The following KHDRBS3 variants were observed in gnomAD, a reference collection of about 807,000 sequenced individuals.
KHDRBS3 encodes KH RNA binding domain containing, signal transduction associated 3, also known as KH domain-containing, RNA-binding, signal transduction-associated protein 3.
In KHDRBS3, 23 loss-of-function variants were observed where a neutral mutation model predicts 45.6. That is an observed-to-expected ratio of 0.50 (90% CI 0.36 to 0.72). KHDRBS3 has a LOEUF of 0.72. Among genes scored for constraint, KHDRBS3 ranks in the 30% least tolerant of loss-of-function variants. The pLI is 0.00. For missense variants in KHDRBS3, 352 were observed against 424.8 expected (o/e 0.83, Z 1.51); for synonymous variants, 162 against 156.5 (o/e 1.04, Z -0.26).
At chr8:135,545,316 G>A (rs1420616863) in intron 3 of KHDRBS3, among the ~76,000 whole-genome samples, 1 of 152,094 alleles carries the variant, frequency 6.6e-6, no homozygotes, top group Non-Finnish European at 1.5e-5. Flanking sequence ...TCCCTTCAAG[G>A]AACTACCTCG....
At chr8:135,481,362 A>C (rs1044616301) in intron 1 of KHDRBS3, among the ~76,000 whole-genome samples, 8 of 150,846 alleles carry the variant, frequency 5.3e-5, no homozygotes, top group Non-Finnish European at 5.9e-5. Flanking sequence ...GTTATCACCT[A>C]CAGGAAACTG....
At chr8:135,643,383 C>T (rs1227569018) in intron 7 of KHDRBS3, among the ~76,000 whole-genome samples, 1 of 152,144 alleles carries the variant, frequency 6.6e-6, no homozygotes, top group Non-Finnish European at 1.5e-5. Context: ...AGGGTCTCCT[C>T]CAGGCCAAAA....
At chr8:135,501,254 T>A (rs762296352) in intron 1 of KHDRBS3, among the ~76,000 whole-genome samples, 26 of 152,320 alleles carry the variant, frequency 1.7e-4, no homozygotes, top group Non-Finnish European at 2.1e-4. Flanking sequence ...TTCTGTTATG[T>A]TTTCTTAGAA....
In KHDRBS3 at chr8:135,645,063, G is replaced by C; in HGVS notation, c.895G>C (p.Ala299Pro). The C allele has an allele frequency of 6.2e-7, 1 of 1,613,206 alleles. No homozygotes were observed. Among genetic ancestry groups the C allele is most frequent in the Non-Finnish European group, 8.5e-7 (1 of 1,179,882 alleles). The change falls in exon 8 of 9, where the codon GCT (alanine) becomes CCT (proline). Residue 299 changes from alanine to proline, a missense_variant. Ala to Pro is a conservative substitution (Grantham distance 27). This residue lies in a region of KHDRBS3 where 212 missense variants were observed against 209.6 expected (regional missense o/e 1.01). Coordinates refer to ENST00000355849, the MANE Select transcript of KHDRBS3 (RefSeq NM_006558.3). ...TTTTGTTTTGATCACTTGCAGTGGT[G>C]CTGATTACTATGATTACGGACATGG... is the stretch of plus-strand genomic sequence containing the variant. ...NSYSTPAQSG[A>P]DYYDYGHGLS... is the part of the protein sequence containing the mutation.
chr8:135,588,028 C>T (rs917815980), intron 6 of KHDRBS3, among the ~76,000 whole-genome samples: 1 of 152,128 alleles, frequency 6.6e-6, no homozygotes, highest in Non-Finnish European at 1.5e-5. Flanking sequence ...CTGCAGACAT[C>T]GACTGTGTGT....
At chr8:135,530,280 A>T (rs1399832456) in intron 2 of KHDRBS3, among the ~76,000 whole-genome samples, 1 of 152,170 alleles carries the variant, frequency 6.6e-6, no homozygotes, top group East Asian at 1.9e-4. Flanking sequence ...CTCCATAAGG[A>T]TCACCAAATT....
chr8:135,603,095 A>G (rs922398385), intron 6 of KHDRBS3, among the ~76,000 whole-genome samples: 2 of 152,202 alleles, frequency 1.3e-5, no homozygotes, highest in African/African-American at 2.4e-5. Flanking sequence ...ATTTTCTTCC[A>G]CTTTTCTCTT....
downstream of KHDRBS3, among the ~76,000 whole-genome samples, chr8:135,648,999 A>T (rs1831375555): frequency 2.0e-5 from 3 of 152,170 alleles, no homozygotes; most frequent in African/African-American, 7.2e-5. Flanking sequence ...TTACACAGAT[A>T]TGCTGGAAAT....
chr8:135,536,266 ATTG>A (rs1825753914), intron 2 of KHDRBS3, among the ~76,000 whole-genome samples: 1 of 68,094 alleles, frequency 1.5e-5, no homozygotes, highest in African/African-American at 4.6e-5. Context: ...TTTTTTTATT[ATTG>A]TTTAAAAGGT....
intron 1 of KHDRBS3, among the ~76,000 whole-genome samples, chr8:135,465,364 T>G (rs1821643530): frequency 6.6e-6 from 1 of 152,256 alleles, no homozygotes; most frequent in South Asian, 2.1e-4. Context: ...AAGACAGATG[T>G]GTGAGTATCG....
chr8:135,525,683 TAG>T (rs991990930), intron 2 of KHDRBS3, among the ~76,000 whole-genome samples: 112 of 152,334 alleles, frequency 7.4e-4, no homozygotes, highest in African/African-American at 2.5e-3. Context: ...AAACATTTCA[TAG>T]ACAGACTCAT....
intron 6 of KHDRBS3, among the ~76,000 whole-genome samples, chr8:135,605,155 A>G (rs866889767): frequency 7.2e-5 from 11 of 152,168 alleles, no homozygotes; most frequent in African/African-American, 2.4e-4. Flanking sequence ...AGCTTCTTGG[A>G]TGTGTAGATT....
intron 7 of KHDRBS3, among the ~76,000 whole-genome samples, chr8:135,642,795 C>A: frequency 7.0e-6 from 1 of 143,818 alleles, no homozygotes; most frequent in East Asian, 2.0e-4. Flanking sequence ...AGGCATTTGT[C>A]TTTTTTTTTT....
intron 7 of KHDRBS3, among the ~76,000 whole-genome samples, chr8:135,617,721 A>G (rs917580919): frequency 2.0e-5 from 3 of 152,198 alleles, no homozygotes; most frequent in East Asian, 1.9e-4. Flanking sequence ...CTACCTCTCT[A>G]TGTAACTGTT....
At chr8:135,463,744 G>A (rs552747997) in intron 1 of KHDRBS3, among the ~76,000 whole-genome samples, 1 of 152,168 alleles carries the variant, frequency 6.6e-6, no homozygotes, top group African/African-American at 2.4e-5. Flanking sequence ...CCAGAGGAGC[G>A]ATTGAAACCG....
chr8:135,555,443 A>G (rs537011847), intron 4 of KHDRBS3, among the ~76,000 whole-genome samples: 395 of 152,026 alleles, frequency 2.6e-3, no homozygotes, highest in African/African-American at 5.6e-3. Flanking sequence ...GCCCAAGACA[A>G]TTCTTCCAGT....
Position 135,489,040 on chromosome 8 carries a change from T to C in KHDRBS3, c.88+31086T>C, listed in dbSNP as rs533471662. On this transcript the variant is annotated intron_variant, in intron 1 of 8. Transcript: ENST00000355849. The stretch of plus-strand genomic sequence containing the variant: ...GTGTGTAAAAGCCCAGTAATGTACC[T>C]GCTTTTAGTGAATGACCATCCAGTA... 3.9e-5 allele frequency among the ~76,000 whole-genome samples: 6 copies of C among 152,338 alleles called. No homozygotes were observed. In the East Asian group the frequency reaches 1.2e-3, roughly 29 times the overall value.
At chr8:135,638,843 C>G (rs1334813163) in intron 7 of KHDRBS3, among the ~76,000 whole-genome samples, 3 of 139,428 alleles carry the variant, frequency 2.2e-5, no homozygotes, top group Non-Finnish European at 4.9e-5. Context: ...CCCAGCTACT[C>G]CCAGCTACTC....
intron 6 of KHDRBS3, among the ~76,000 whole-genome samples, chr8:135,603,156 A>G (rs1829294333): frequency 1.3e-5 from 2 of 152,164 alleles, no homozygotes; most frequent in African/African-American, 2.4e-5. Context: ...TGACATGGCA[A>G]TTGACTTGTA....
Sources: gnomAD v4.1 joint callset for allele counts (sites outside exome capture counted in the v4.1 genomes callset) on GRCh38, gnomAD v4.1.1 for gene constraint, gnomAD v4.1.1 regional missense constraint, MANE v1.5 for transcripts, NCBI Gene and HGNC (gene_info 2026-07-23, HGNC 2026-07-21) for gene names.